ARK2C: variants seen among roughly 807,000 people sequenced by gnomAD.
ARK2C encodes the protein E3 ubiquitin-protein ligase ARK2C.
chr18:46,353,381 T>A, the ARK2C span, among the ~76,000 whole-genome samples: 1 of 152,242 alleles, frequency 6.6e-6, no homozygotes, highest in African/African-American at 2.4e-5. Flanking sequence ...AAGCACCAGG[T>A]GCAATGTCTG....
chr18:46,385,601 G>A, the ARK2C span: 1 of 152,182 alleles, frequency 6.6e-6, no homozygotes, highest in East Asian at 1.9e-4. Context: ...GAAATGCACA[G>A]ACAGAAAATC....
the ARK2C span, among the ~76,000 whole-genome samples, chr18:46,390,987 A>G: frequency 6.6e-6 from 1 of 152,220 alleles, no homozygotes; most frequent in African/African-American, 2.4e-5. Flanking sequence ...GGATTCTTGA[A>G]AACAGCAAAT....
chr18:46,461,715 A>T, the ARK2C span: 1 of 151,878 alleles, frequency 6.6e-6, no homozygotes, highest in Non-Finnish European at 1.5e-5. Flanking sequence ...AGAGCAAAGA[A>T]GAAGAGAAGA....
At chr18:46,433,286 C>T in the ARK2C span, 1 of 1,610,892 alleles carries the variant, frequency 6.2e-7, no homozygotes, top group Non-Finnish European at 8.5e-7. Context: ...CCCGACTTCC[C>T]GCTGGCCCAC....
At chr18:46,351,378 G>A in the ARK2C span, among the ~76,000 whole-genome samples, 3 of 152,296 alleles carry the variant, frequency 2.0e-5, no homozygotes, top group South Asian at 2.1e-4. Flanking sequence ...AAGCAAAGGC[G>A]TCCCTTCCGT....
chr18:46,387,554 G>A, the ARK2C span, among the ~76,000 whole-genome samples: 1,265 of 152,350 alleles, frequency 8.3e-3, 17 homozygotes, highest in African/African-American at 0.029. Context: ...AAGTCCCTGT[G>A]CTTCCCGGCA....
the ARK2C span, chr18:46,334,205 C>G: frequency 3.2e-5 from 31 of 968,546 alleles, no homozygotes; most frequent in Admixed American, 1.0e-3. This position sits in a 1 kb window ranked among gnomAD's most constrained non-coding sequence, Gnocchi z 4.4. Context: ...CGCCCGCGCC[C>G]GCGCCCCGGA....
At chr18:46,423,118 C>T in the ARK2C span, among the ~76,000 whole-genome samples, 1 of 152,154 alleles carries the variant, frequency 6.6e-6, no homozygotes, top group South Asian at 2.1e-4. Context: ...ACCTTTCCAT[C>T]AGTTAAACCC....
At chr18:46,383,715 C>A in the ARK2C span, among the ~76,000 whole-genome samples, 1 of 151,962 alleles carries the variant, frequency 6.6e-6, no homozygotes, top group Admixed American at 6.5e-5. Flanking sequence ...CCACCGCGCC[C>A]GGCTAATTTT....
chr18:46,365,446 G>GATTCTT, the ARK2C span, among the ~76,000 whole-genome samples: 2 of 152,168 alleles, frequency 1.3e-5, no homozygotes, highest in Non-Finnish European at 2.9e-5. Context: ...TTGATATGCA[G>GATTCTT]GGCACCAAGT....
chr18:46,411,241 G>A, the ARK2C span, among the ~76,000 whole-genome samples: 1 of 152,212 alleles, frequency 6.6e-6, no homozygotes, highest in South Asian at 2.1e-4. Flanking sequence ...CTTGGCATTT[G>A]CTGGTTTAAT....
the ARK2C span, among the ~76,000 whole-genome samples, chr18:46,428,935 T>A: frequency 6.6e-6 from 1 of 152,216 alleles, no homozygotes; most frequent in East Asian, 1.9e-4. Flanking sequence ...TTTTCCTTTA[T>A]AGACATGCTT....
At chr18:46,379,983 T>A in the ARK2C span, among the ~76,000 whole-genome samples, 1 of 152,202 alleles carries the variant, frequency 6.6e-6, no homozygotes, top group Admixed American at 6.5e-5. Context: ...AGAGAAGAGA[T>A]GAGGCTCCAA....
At chr18:46,377,073 C>T in the ARK2C span, among the ~76,000 whole-genome samples, 1 of 152,126 alleles carries the variant, frequency 6.6e-6, no homozygotes, top group Non-Finnish European at 1.5e-5. Flanking sequence ...ATGCATCTTA[C>T]ATGTACTAGG....
the ARK2C span, among the ~76,000 whole-genome samples, chr18:46,350,381 A>C: frequency 1.3e-5 from 2 of 152,178 alleles, no homozygotes; most frequent in Admixed American, 1.3e-4. Context: ...TTTGGATGCC[A>C]TGTGGCCTGG....
At chr18:46,343,195 C>A in the ARK2C span, among the ~76,000 whole-genome samples, 1 of 152,210 alleles carries the variant, frequency 6.6e-6, no homozygotes, top group Non-Finnish European at 1.5e-5. Context: ...TGTGACAACT[C>A]TCACTCCTCT....
chr18:46,445,582 C>T, the ARK2C span, among the ~76,000 whole-genome samples: 1 of 152,188 alleles, frequency 6.6e-6, no homozygotes, highest in Non-Finnish European at 1.5e-5. Context: ...CATGGTACCA[C>T]AACTTTCAGA....
At chr18:46,372,912 ACTTCTCC>A in the ARK2C span, among the ~76,000 whole-genome samples, 14 of 152,190 alleles carry the variant, frequency 9.2e-5, no homozygotes, top group African/African-American at 3.4e-4. Context: ...TGTGGCCTCC[ACTTCTCC>A]CTTCTTTTCC....
At chr18:46,382,950 G>A in the ARK2C span, among the ~76,000 whole-genome samples, 4 of 152,130 alleles carry the variant, frequency 2.6e-5, no homozygotes, top group Admixed American at 6.5e-5. Flanking sequence ...TGAAGACAAC[G>A]TCATACTCTT....
Sources: gnomAD v4.1 joint callset for allele counts (sites outside exome capture counted in the v4.1 genomes callset) on GRCh38, gnomAD v4.1.1 for gene constraint, Gnocchi (gnomAD v3.1) non-coding constraint, MANE v1.5 for transcripts, NCBI Gene and HGNC (gene_info 2026-07-23, HGNC 2026-07-21) for gene names.